DPP6: variants seen among roughly 807,000 people sequenced by gnomAD.
DPP6 encodes dipeptidyl peptidase like 6, also known as A-type potassium channel modulatory protein DPP6.
Under a neutral mutation model 122.6 loss-of-function variants are expected in DPP6, and 69 were observed. The ratio of observed to expected loss-of-function variants is 0.56; its 90% CI spans 0.46 to 0.69. DPP6 has a LOEUF of 0.69. Ranked by LOEUF, DPP6 falls within the 30% of genes least tolerant of loss-of-function variation. The pLI is 0.00. For missense variants in DPP6, 928 were observed against 1,116.9 expected (o/e 0.83, Z 2.41); for synonymous variants, 418 against 433.1 (o/e 0.97, Z 0.43).
At chr7:153,976,004 T>G (rs1182055771) in intron 1 of DPP6, among the ~76,000 whole-genome samples, 1 of 152,186 alleles carries the variant, frequency 6.6e-6, no homozygotes, top group Non-Finnish European at 1.5e-5. Flanking sequence ...TAGAAAATGC[T>G]CAGTAAATTT....
intron 11 of DPP6, among the ~76,000 whole-genome samples, chr7:154,794,848 G>A: frequency 3.2e-3 from 1 of 312 alleles, no homozygotes; most frequent in Admixed American, 0.038. Flanking sequence ...GGCGGGTTTT[G>A]TAGACATCAA....
the DPP6 span, among the ~76,000 whole-genome samples, chr7:153,829,713 G>A: frequency 6.6e-6 from 1 of 152,186 alleles, no homozygotes; most frequent in Admixed American, 6.5e-5. Flanking sequence ...ACCAGCTTTG[G>A]GTGGACCTCT....
At chr7:154,885,046 C>G (rs544232693) in intron 21 of DPP6, 1 of 152,832 alleles carries the variant, frequency 6.5e-6, no homozygotes, top group East Asian at 1.9e-4. Flanking sequence ...AGGCACTGAG[C>G]AGGCAAGGAG....
intron 1 of DPP6, among the ~76,000 whole-genome samples, chr7:153,905,447 T>A (rs1799809102): frequency 6.6e-6 from 1 of 152,134 alleles, no homozygotes; most frequent in Admixed American, 6.6e-5. Context: ...TATATTAACA[T>A]AAGCATTGTG....
At chr7:154,209,646 A>G (rs1422537337) in intron 1 of DPP6, among the ~76,000 whole-genome samples, 2 of 152,178 alleles carry the variant, frequency 1.3e-5, no homozygotes, top group Non-Finnish European at 2.9e-5. Context: ...TCTTAAGTGT[A>G]AAGAAGCCCA....
chr7:154,381,948 A>G (rs1288743133), intron 1 of DPP6, among the ~76,000 whole-genome samples: 1 of 152,174 alleles, frequency 6.6e-6, no homozygotes, highest in Non-Finnish European at 1.5e-5. Flanking sequence ...GGGATGACAC[A>G]GAGAGGCCCT....
intron 1 of DPP6, among the ~76,000 whole-genome samples, chr7:154,438,196 T>G (rs1488370546): frequency 1.3e-5 from 2 of 151,792 alleles, no homozygotes; most frequent in African/African-American, 2.4e-5. Context: ...GGCTGGGCAC[T>G]GTGGCAAATG....
intron 1 of DPP6, among the ~76,000 whole-genome samples, chr7:154,111,318 A>T (rs1288737765): frequency 2.6e-5 from 4 of 152,206 alleles, no homozygotes; most frequent in African/African-American, 4.8e-5. Context: ...CGGCTTGACC[A>T]CTTAGCTCTG....
intron 7 of DPP6, among the ~76,000 whole-genome samples, chr7:154,704,977 G>T (rs1359802011): frequency 2.6e-5 from 4 of 152,028 alleles, no homozygotes; most frequent in Non-Finnish European, 5.9e-5. Flanking sequence ...AGCAATTATT[G>T]TGCCTCAGCC....
the DPP6 span, among the ~76,000 whole-genome samples, chr7:153,812,899 G>T: frequency 6.6e-6 from 1 of 152,044 alleles, no homozygotes; most frequent in East Asian, 1.9e-4. Context: ...CCAAAACAAA[G>T]ATTTATTTTA....
intron 16 of DPP6, among the ~76,000 whole-genome samples, chr7:154,846,106 C>T (rs1414008408): frequency 6.6e-6 from 1 of 151,936 alleles, no homozygotes; most frequent in African/African-American, 2.4e-5. Context: ...TGCACCATGT[C>T]CAGGACATTT....
At chr7:154,840,547 C>G (rs937164492) in intron 16 of DPP6, among the ~76,000 whole-genome samples, 5 of 152,200 alleles carry the variant, frequency 3.3e-5, no homozygotes, top group African/African-American at 1.2e-4. Flanking sequence ...AATTTGTACA[C>G]GCAAGCGTTG....
chr7:154,063,844 A>G (rs1216348748), intron 1 of DPP6, among the ~76,000 whole-genome samples: 1 of 151,292 alleles, frequency 6.6e-6, no homozygotes, highest in East Asian at 2.0e-4. Flanking sequence ...CAAGTGCATG[A>G]TAGTCTGCAT....
chr7:154,143,983 T>C (rs1304709614), intron 1 of DPP6, among the ~76,000 whole-genome samples: 2 of 152,034 alleles, frequency 1.3e-5, no homozygotes, highest in Non-Finnish European at 2.9e-5. Context: ...TGGAGAATTA[T>C]CTTTTAGAAA....
At chr7:154,419,116 C>T (rs767998579) in intron 1 of DPP6, among the ~76,000 whole-genome samples, 5 of 152,188 alleles carry the variant, frequency 3.3e-5, no homozygotes, top group Non-Finnish European at 5.9e-5. Context: ...CTCAGAAAAG[C>T]TTATGGCTTC....
In DPP6 at chr7:154,089,612, T is replaced by TC. The variant is rs1804662967; in HGVS notation, c.243+36551dup. Among the ~76,000 whole-genome samples, 7 of 111,726 alleles carry TC rather than the reference T, an allele frequency of 6.3e-5. No individual in the cohort carries two copies. The South Asian group carries it at 2.4e-3, about 38-fold the overall frequency. 73.3% of individuals were successfully genotyped at this position (111,726 alleles called of 152,430 possible). A position where few individuals can be genotyped will look rare whatever the true frequency, so the allele number is the denominator to read the frequency against. On this transcript the variant is annotated intron_variant, in intron 1 of 25. Transcript: ENST00000377770. ...TCAGAGGCTCACCCTGCCTTGCTGC[T>TC]CCACACACACGACTGACTGACAACA... is the stretch of plus-strand genomic sequence containing the variant.
intron 1 of DPP6, chr7:154,305,426 G>C (rs1292204151): frequency 5.5e-6 from 8 of 1,464,490 alleles, no homozygotes; most frequent in South Asian, 1.4e-5. Context: ...TTACCGCTTG[G>C]ACTCTGGTGG....
the DPP6 span, among the ~76,000 whole-genome samples, chr7:153,786,767 T>C: frequency 1.1e-5 from 1 of 92,910 alleles, no homozygotes; most frequent in Admixed American, 1.0e-4. Flanking sequence ...AAAAAAGATA[T>C]ACTACTATTT....
intron 1 of DPP6, among the ~76,000 whole-genome samples, chr7:153,951,916 G>A (rs188586513): frequency 1.3e-5 from 2 of 152,114 alleles, no homozygotes; most frequent in Non-Finnish European, 2.9e-5. Flanking sequence ...GGTGGTGCAT[G>A]CCTGTAGTCC....
Sources: gnomAD v4.1 joint callset for allele counts (sites outside exome capture counted in the v4.1 genomes callset) on GRCh38, gnomAD v4.1.1 for gene constraint, MANE v1.5 for transcripts, NCBI Gene and HGNC (gene_info 2026-07-23, HGNC 2026-07-21) for gene names.